The following RIPOR2 variants were observed in gnomAD, a reference collection of about 807,000 sequenced individuals.
RIPOR2 encodes the protein RHO family interacting cell polarization regulator 2.
Under a neutral mutation model 114.5 loss-of-function variants are expected in RIPOR2, and 39 were observed. That is an observed-to-expected ratio of 0.34 (90% CI 0.26 to 0.44). RIPOR2 has a LOEUF of 0.44. Ranked by LOEUF, RIPOR2 falls within the 20% of genes least tolerant of loss-of-function variation. RIPOR2 has a pLI of 1.00. For synonymous variants in RIPOR2, 445 were observed against 484.4 expected (o/e 0.92, Z 1.07); for missense variants, 1,007 against 1,255.1 (o/e 0.80, Z 2.99).
intron 1 of RIPOR2, among the ~76,000 whole-genome samples, chr6:24,891,341 A>G (rs1353667129): frequency 6.6e-6 from 1 of 152,248 alleles, no homozygotes; most frequent in East Asian, 1.9e-4. Context: ...TTTGGTTGCT[A>G]AAGACAAATA....
chr6:24,962,466 C>T (rs768753345), intron 1 of RIPOR2, among the ~76,000 whole-genome samples: 114 of 152,064 alleles, frequency 7.5e-4, no homozygotes, highest in Non-Finnish European at 1.1e-3. Context: ...GGAATGTAAA[C>T]GGAGAGATGA....
chr6:25,028,238 C>T (rs558150146), intron 1 of RIPOR2, among the ~76,000 whole-genome samples: 30 of 152,286 alleles, frequency 2.0e-4, no homozygotes, highest in South Asian at 4.1e-4. Flanking sequence ...CTTGTTCTGC[C>T]TCTAGGAGAC....
At chr6:24,904,279 G>A (rs1484707004) in intron 1 of RIPOR2, among the ~76,000 whole-genome samples, 6 of 152,178 alleles carry the variant, frequency 3.9e-5, no homozygotes, top group South Asian at 2.1e-4. Context: ...CCGGCGGCTC[G>A]AGGAGAAAAT....
At chr6:24,986,997 C>T (rs1268678474) in intron 1 of RIPOR2, among the ~76,000 whole-genome samples, 1 of 152,038 alleles carries the variant, frequency 6.6e-6, no homozygotes, top group Non-Finnish European at 1.5e-5. Context: ...CCTTCAAAAC[C>T]ATCCTGGGCC....
chr6:25,024,209 G>A, intron 1 of RIPOR2: 1 of 1,485,160 alleles, frequency 6.7e-7, no homozygotes, highest in Non-Finnish European at 9.4e-7. Context: ...TGGCGAGAAA[G>A]GTGCCCAGGA....
intron 1 of RIPOR2, chr6:25,023,884 G>A (rs1776463298): frequency 2.8e-6 from 2 of 724,620 alleles, no homozygotes; most frequent in Non-Finnish European, 5.1e-6. Context: ...GAGACCTGGA[G>A]GCACTTGGTT....
intron 1 of RIPOR2, among the ~76,000 whole-genome samples, chr6:25,030,163 A>G (rs1776852755): frequency 6.6e-6 from 1 of 151,826 alleles, no homozygotes; most frequent in Non-Finnish European, 1.5e-5. Flanking sequence ...AAATGGGGGG[A>G]AAAGATCTCT....
chr6:24,870,204 T>A (rs1230428751), intron 5 of RIPOR2, among the ~76,000 whole-genome samples: 1 of 152,198 alleles, frequency 6.6e-6, no homozygotes, highest in Non-Finnish European at 1.5e-5. Flanking sequence ...CATGAAATAA[T>A]GGTGCATTTT....
intron 1 of RIPOR2, among the ~76,000 whole-genome samples, chr6:25,006,941 G>A (rs191080224): frequency 1.2e-3 from 180 of 152,358 alleles, no homozygotes; most frequent in African/African-American, 4.2e-3. Context: ...TGTGCCTGCT[G>A]GGACCCTGTG....
chr6:24,954,450 T>C (rs1214661991), intron 1 of RIPOR2, among the ~76,000 whole-genome samples: 2 of 39,340 alleles, frequency 5.1e-5, no homozygotes, highest in Admixed American at 3.6e-4. Context: ...GCCCAGTCTC[T>C]CTCTCCTTTT....
intron 1 of RIPOR2, among the ~76,000 whole-genome samples, chr6:24,969,242 G>A (rs149577105): frequency 3.1e-3 from 476 of 152,208 alleles, no homozygotes; most frequent in African/African-American, 9.5e-3. Flanking sequence ...GAGAACCACC[G>A]ATTTGGGACT....
intron 1 of RIPOR2, among the ~76,000 whole-genome samples, chr6:24,987,610 G>T (rs1486498075): frequency 2.6e-5 from 4 of 152,202 alleles, no homozygotes; most frequent in African/African-American, 9.6e-5. Flanking sequence ...TTACAACAGG[G>T]TTACAAGTGA....
intron 9 of RIPOR2, among the ~76,000 whole-genome samples, chr6:24,851,083 C>T (rs116390051): frequency 0.022 from 3,274 of 152,014 alleles, 124 homozygotes; most frequent in African/African-American, 0.071. Flanking sequence ...TTTAGTAAGA[C>T]GGGGTTTCAC....
intron 1 of RIPOR2, among the ~76,000 whole-genome samples, chr6:24,934,092 A>G (rs781755582): frequency 3.1e-4 from 47 of 152,312 alleles, no homozygotes; most frequent in Non-Finnish European, 4.9e-4. Flanking sequence ...CTATAGGCAA[A>G]GAAATGTGGG....
At chr6:24,981,339 A>G (rs1360750733) in intron 1 of RIPOR2, among the ~76,000 whole-genome samples, 2 of 152,220 alleles carry the variant, frequency 1.3e-5, no homozygotes, top group African/African-American at 4.8e-5. Flanking sequence ...TCTGTAAAGC[A>G]GGAGGAATTC....
chr6:24,939,799 A>T (rs1772023718), upstream of RIPOR2, among the ~76,000 whole-genome samples: 1 of 152,252 alleles, frequency 6.6e-6, no homozygotes, highest in South Asian at 2.1e-4. Flanking sequence ...ACAAAAGTAT[A>T]GATGAACCAG....
chr6:24,954,704 T>C (rs1581869086), intron 1 of RIPOR2, among the ~76,000 whole-genome samples: 1 of 152,012 alleles, frequency 6.6e-6, no homozygotes, highest in Non-Finnish European at 1.5e-5. Flanking sequence ...TGCCTCAGCC[T>C]CCCAAAATGC....
At chr6:24,921,427 G>A (rs1441728825) in intron 1 of RIPOR2, among the ~76,000 whole-genome samples, 1 of 151,840 alleles carries the variant, frequency 6.6e-6, no homozygotes, top group East Asian at 1.9e-4. Flanking sequence ...GTCTTCCAAA[G>A]TGCTAGCATT....
chr6:24,912,934 G>C (rs1375749357), intron 1 of RIPOR2, among the ~76,000 whole-genome samples: 1 of 152,190 alleles, frequency 6.6e-6, no homozygotes, highest in Non-Finnish European at 1.5e-5. Context: ...CTTTCCCATA[G>C]CTGCCTCCAC....
Sources: gnomAD v4.1 joint callset for allele counts (sites outside exome capture counted in the v4.1 genomes callset) on GRCh38, gnomAD v4.1.1 for gene constraint, MANE v1.5 for transcripts, NCBI Gene and HGNC (gene_info 2026-07-23, HGNC 2026-07-21) for gene names.